The following BBS9 variants were observed in gnomAD, a reference collection of about 807,000 sequenced individuals.
The protein encoded by BBS9 is protein PTHB1.
In BBS9, 89 loss-of-function variants were observed where a neutral mutation model predicts 117.7. The observed-to-expected ratio is 0.76, with a 90% CI of 0.64 to 0.90. BBS9 has a LOEUF of 0.90. Ranked by LOEUF, BBS9 falls within the 40% of genes least tolerant of loss-of-function variation. BBS9 has a pLI of 0.00. For missense variants in BBS9, 982 were observed against 1,042.2 expected, an observed-to-expected ratio of 0.94 and a Z score of 0.80; for synonymous variants, 379 against 370.9, an observed-to-expected ratio of 1.02 and a Z score of -0.25.
In BBS9 at chr7:33,146,429, G is replaced by A. The variant is rs1416267898; in HGVS notation, c.112+65G>A. 7 of 1,288,032 alleles carry A rather than the reference G, an allele frequency of 5.4e-6. No homozygotes were observed. The South Asian group carries it at 7.1e-5, about 13-fold the overall frequency. The allele number at this position is 1,288,032 out of a possible 1,614,324, so 79.8% of individuals were successfully genotyped here. A position where few individuals can be genotyped will look rare whatever the true frequency, so the allele number is the denominator to read the frequency against. On this transcript the variant is annotated intron_variant, in intron 2 of 22. Transcript: ENST00000242067. ...AAAGAGATCAAATAAGACTGGGCAC[G>A]GTGGCCGACTGCTGTAATCTCAGTT... is the stretch of plus-strand genomic sequence containing the variant.
At chr7:33,176,163 G>C (rs1583477507) in intron 4 of BBS9, among the ~76,000 whole-genome samples, 2 of 152,014 alleles carry the variant, frequency 1.3e-5, no homozygotes, top group Non-Finnish European at 2.9e-5. Flanking sequence ...CTAGTTCCCT[G>C]TGTCCTTTTG....
intron 21 of BBS9, among the ~76,000 whole-genome samples, chr7:33,583,722 G>A (rs1860406453): frequency 6.6e-6 from 1 of 152,068 alleles, no homozygotes; most frequent in Admixed American, 6.6e-5. Flanking sequence ...ACCTGGAGAG[G>A]CCAAATGCTA....
At chr7:33,591,084 A>T (rs956388489) in intron 21 of BBS9, among the ~76,000 whole-genome samples, 42 of 152,062 alleles carry the variant, frequency 2.8e-4, no homozygotes, top group African/African-American at 9.2e-4. Context: ...TTACTAGCCT[A>T]TACATTAGTG....
chr7:33,492,029 G>A (rs571682333), intron 19 of BBS9, among the ~76,000 whole-genome samples: 4 of 151,638 alleles, frequency 2.6e-5, no homozygotes, highest in African/African-American at 9.7e-5. Flanking sequence ...TTGAAACTCT[G>A]TCTCTACTAA....
intron 5 of BBS9, among the ~76,000 whole-genome samples, chr7:33,199,538 A>G (rs1307151032): frequency 1.3e-5 from 2 of 151,810 alleles, no homozygotes. Context: ...TATTGAAGCA[A>G]GCTAGAAGTG....
intron 21 of BBS9, among the ~76,000 whole-genome samples, chr7:33,557,769 G>A (rs1855509446): frequency 6.6e-6 from 1 of 152,216 alleles, no homozygotes; most frequent in Non-Finnish European, 1.5e-5. Context: ...AGTTGGCTTG[G>A]GACATCCTCC....
At chr7:33,330,980 A>G (rs2128610277) in intron 9 of BBS9, among the ~76,000 whole-genome samples, 1 of 152,204 alleles carries the variant, frequency 6.6e-6, no homozygotes, top group East Asian at 1.9e-4. Flanking sequence ...ACCCACATGA[A>G]CAATATTGTT....
chr7:33,487,277 T>C (rs1843246242), intron 19 of BBS9, among the ~76,000 whole-genome samples: 1 of 152,228 alleles, frequency 6.6e-6, no homozygotes, highest in Admixed American at 6.5e-5. Context: ...CCAGATAAGC[T>C]ACTGGTTTTT....
In BBS9 at chr7:33,357,836, T is replaced by C. The variant is rs1819897209; in HGVS notation, c.1553-19T>C. The stretch of plus-strand genomic sequence containing the variant: ...TATTTGTCAAGTCTATGAATCTACA[T>C]ATCTCTCTTTTATTTTAGGCATTCC... On this transcript the variant is annotated intron_variant, in intron 15 of 22. Coordinates refer to ENST00000242067, the MANE Select transcript of BBS9 (RefSeq NM_198428.3). 1 of 1,607,320 alleles carries C rather than the reference T, an allele frequency of 6.2e-7. No homozygotes were observed. Among genetic ancestry groups the C allele is most frequent in the African/African-American group, 1.3e-5 (1 of 74,714 alleles).
intron 4 of BBS9, among the ~76,000 whole-genome samples, chr7:33,175,808 C>T (rs1244114161): frequency 6.6e-6 from 1 of 152,100 alleles, no homozygotes; most frequent in East Asian, 1.9e-4. Context: ...GAAAAACAAG[C>T]AGAAATTTAT....
At chr7:33,144,375 G>A (rs1262361229) in intron 1 of BBS9, among the ~76,000 whole-genome samples, 1 of 152,230 alleles carries the variant, frequency 6.6e-6, no homozygotes, top group Non-Finnish European at 1.5e-5. Flanking sequence ...TGTATCATTT[G>A]TGAATTTGCC....
intron 9 of BBS9, among the ~76,000 whole-genome samples, chr7:33,283,398 A>C (rs1300419518): frequency 6.6e-6 from 1 of 151,726 alleles, no homozygotes; most frequent in East Asian, 1.9e-4. Context: ...TCATCAATTA[A>C]TTATTTGTAT....
intron 1 of BBS9, among the ~76,000 whole-genome samples, chr7:33,136,189 A>G (rs140549161): frequency 0.013 from 1,914 of 152,266 alleles, 41 homozygotes; most frequent in African/African-American, 0.044. Flanking sequence ...TATCATGGAT[A>G]TTTGTATATT....
intron 21 of BBS9, among the ~76,000 whole-genome samples, chr7:33,571,456 T>C (rs1857774413): frequency 1.3e-5 from 2 of 152,104 alleles, no homozygotes; most frequent in African/African-American, 4.8e-5. Flanking sequence ...AAGTCTCTTT[T>C]ATTCTGAGTT....
At chr7:33,457,632 G>C (rs1838839010) in intron 19 of BBS9, among the ~76,000 whole-genome samples, 1 of 152,146 alleles carries the variant, frequency 6.6e-6, no homozygotes, top group Non-Finnish European at 1.5e-5. Context: ...TGGAAAACAT[G>C]TATGGTATCT....
rs1006435630 is a variant in BBS9 at position 33,383,836 on chromosome 7, G to A, written c.1960G>A (p.Glu654Lys). The change falls in exon 18 of 23, where the codon GAG becomes AAG. Residue 654 changes from glutamate (E) to lysine (K), a missense_variant and splice_region_variant. Coordinates refer to ENST00000242067, the MANE Select transcript of BBS9 (RefSeq NM_198428.3). Reference protein sequence around the residue: ...EYFELIDHHFELRINGEKLEE... With the variant: ...EYFELIDHHFKLRINGEKLEE... ...TTTTGAGTTGATTGATCATCATTTT[G>A]AGGTATGTATGATCATAACCCACAT... The A allele has an allele frequency of 6.2e-7, 1 of 1,611,154 alleles. No individual in the cohort carries two copies. Among genetic ancestry groups the A allele is most frequent in the African/African-American group, 1.3e-5 (1 of 74,952 alleles).
chr7:33,575,507 G>T (rs561976006), intron 21 of BBS9, among the ~76,000 whole-genome samples: 139 of 152,082 alleles, frequency 9.1e-4, no homozygotes, highest in Non-Finnish European at 1.5e-3. Flanking sequence ...CATTCCTTCT[G>T]AAACTATTCC....
chr7:33,526,658 T>G (rs933558819), intron 20 of BBS9, among the ~76,000 whole-genome samples: 3 of 145,698 alleles, frequency 2.1e-5, no homozygotes, highest in African/African-American at 7.8e-5. Context: ...TCTTAATTTT[T>G]TTCAAAGTTT....
At chr7:33,172,761 CA>C (rs138196415) in intron 4 of BBS9, among the ~76,000 whole-genome samples, 1,536 of 152,226 alleles carry the variant, frequency 0.01, 28 homozygotes, top group African/African-American at 0.035. Context: ...GGTACAACAA[CA>C]AAAAATTATA....
Sources: gnomAD v4.1 joint callset for allele counts (sites outside exome capture counted in the v4.1 genomes callset) on GRCh38, gnomAD v4.1.1 for gene constraint, MANE v1.5 for transcripts, NCBI Gene and HGNC (gene_info 2026-07-23, HGNC 2026-07-21) for gene names.